The following CLVS1 variants were observed in gnomAD, a reference collection of about 807,000 sequenced individuals.
CLVS1 encodes the protein clavesin-1.
Under a neutral mutation model 33.1 loss-of-function variants are expected in CLVS1, and 10 were observed. The observed-to-expected ratio is 0.30, with a 90% CI of 0.19 to 0.51. CLVS1 has a LOEUF of 0.51. Among genes scored for constraint, CLVS1 ranks in the 20% least tolerant of loss-of-function variants. The pLI is 0.97. For missense variants in CLVS1, 343 were observed against 433.4 expected, an observed-to-expected ratio of 0.79 and a Z score of 1.85; for synonymous variants, 163 against 166.1, an observed-to-expected ratio of 0.98 and a Z score of 0.14.
At chr8:61,043,728 G>A in the CLVS1 span, among the ~76,000 whole-genome samples, 1 of 152,152 alleles carries the variant, frequency 6.6e-6, no homozygotes, top group African/African-American at 2.4e-5. Flanking sequence ...GATTGACTGG[G>A]CATTCTGCAG....
At chr8:61,096,087 T>G (rs1805346214) in intron 1 of CLVS1, among the ~76,000 whole-genome samples, 1 of 152,208 alleles carries the variant, frequency 6.6e-6, no homozygotes, top group African/African-American at 2.4e-5. Flanking sequence ...CCACTTCCCC[T>G]TTTGTCAGGC....
At chr8:61,016,402 A>G in the CLVS1 span, among the ~76,000 whole-genome samples, 2 of 152,254 alleles carry the variant, frequency 1.3e-5, no homozygotes, top group Non-Finnish European at 2.9e-5. Context: ...TAAGAGGTTT[A>G]TCTTGGGTGG....
intron 3 of CLVS1, among the ~76,000 whole-genome samples, chr8:61,410,608 A>G (rs1815182507): frequency 6.6e-6 from 1 of 151,904 alleles, no homozygotes; most frequent in African/African-American, 2.4e-5. Flanking sequence ...TCTCCACTCC[A>G]TCAGATTGCT....
At position 61,239,412 on chromosome 8, in the gene CLVS1, A is replaced by G. The variant is rs574960553; in HGVS notation, c.-151-60265A>G. On this transcript the variant is annotated intron_variant, in intron 2 of 2. Transcript: ENST00000522621. Reference sequence around the variant, plus strand: ...ATCTGGAGATCAATTATGTTCTAATATAGGTATTTTTTTTAGTCTTTTAAT... The same window carrying G: ...ATCTGGAGATCAATTATGTTCTAATGTAGGTATTTTTTTTAGTCTTTTAAT... 3.7e-4 allele frequency among the ~76,000 whole-genome samples: 56 copies of G among 152,136 alleles called. 1 individual carries two copies. The highest frequency in any genetic ancestry group is 7.1e-4 in the Non-Finnish European group (48 of 68,020).
the CLVS1 span, among the ~76,000 whole-genome samples, chr8:60,997,121 T>G: frequency 6.6e-6 from 1 of 152,320 alleles, no homozygotes; most frequent in East Asian, 1.9e-4. Flanking sequence ...ATTTTTGATT[T>G]TCTTGATGGA....
chr8:61,188,332 A>G (rs1455797120), intron 2 of CLVS1, among the ~76,000 whole-genome samples: 1 of 152,162 alleles, frequency 6.6e-6, no homozygotes, highest in Non-Finnish European at 1.5e-5. Flanking sequence ...AAGGACATTC[A>G]TTCTAGACCA....
At chr8:60,991,009 C>A in the CLVS1 span, among the ~76,000 whole-genome samples, 1 of 152,188 alleles carries the variant, frequency 6.6e-6, no homozygotes, top group African/African-American at 2.4e-5. Context: ...ACGTGCCCAA[C>A]TAATTAACAG....
intron 3 of CLVS1, among the ~76,000 whole-genome samples, chr8:61,380,886 C>G (rs1440658764): frequency 6.6e-6 from 1 of 152,102 alleles, no homozygotes; most frequent in Non-Finnish European, 1.5e-5. Context: ...TCAGCCAACC[C>G]AGATACTTCA....
the CLVS1 span, among the ~76,000 whole-genome samples, chr8:60,985,940 G>A: frequency 6.6e-6 from 1 of 152,110 alleles, no homozygotes; most frequent in Non-Finnish European, 1.5e-5. Context: ...GTATTGAACT[G>A]TCGACACAGG....
At chr8:61,421,684 C>T (rs998306577) in intron 3 of CLVS1, among the ~76,000 whole-genome samples, 3 of 152,218 alleles carry the variant, frequency 2.0e-5, no homozygotes, top group Non-Finnish European at 2.9e-5. Context: ...GTATGTGTTC[C>T]ACTTCCTTAT....
At chr8:61,298,009 A>G (rs1810281068) in intron 1 of CLVS1, among the ~76,000 whole-genome samples, 1 of 152,182 alleles carries the variant, frequency 6.6e-6, no homozygotes, top group African/African-American at 2.4e-5. Flanking sequence ...TTGTTCTAGT[A>G]TCGTTATTAT....
At chr8:61,452,123 A>C (rs1003872173) in intron 3 of CLVS1, among the ~76,000 whole-genome samples, 1 of 152,222 alleles carries the variant, frequency 6.6e-6, no homozygotes, top group Non-Finnish European at 1.5e-5. Flanking sequence ...GTAATTACAG[A>C]GTCTCAGCAC....
intron 5 of CLVS1, among the ~76,000 whole-genome samples, chr8:61,481,828 C>T (rs1818206062): frequency 6.6e-6 from 1 of 152,360 alleles, no homozygotes; most frequent in Admixed American, 6.5e-5. Context: ...ATGTCCCTGT[C>T]TGACAGCTTT....
At chr8:61,474,645 G>A (rs1239343927) in intron 5 of CLVS1, among the ~76,000 whole-genome samples, 1 of 152,186 alleles carries the variant, frequency 6.6e-6, no homozygotes, top group African/African-American at 2.4e-5. Context: ...AAGCAGGTGA[G>A]ATTGGTTAGG....
chr8:61,292,561 G>C, intron 1 of CLVS1: 1 of 325,560 alleles, frequency 3.1e-6, no homozygotes, highest in South Asian at 2.7e-5. Flanking sequence ...CAAGGTTTTT[G>C]TTTGTTTGTT....
At chr8:61,383,449 GAGA>G (rs1813963415) in intron 3 of CLVS1, among the ~76,000 whole-genome samples, 1 of 152,206 alleles carries the variant, frequency 6.6e-6, no homozygotes, top group Non-Finnish European at 1.5e-5. Context: ...CAGATGGAAG[GAGA>G]AGGATATTTG....
chr8:61,431,679 G>A (rs1327262306), intron 3 of CLVS1, among the ~76,000 whole-genome samples: 1 of 151,838 alleles, frequency 6.6e-6, no homozygotes, highest in Non-Finnish European at 1.5e-5. Context: ...CTTCAAACTA[G>A]AGTATAAGCT....
chr8:60,988,745 A>G, the CLVS1 span, among the ~76,000 whole-genome samples: 1 of 152,252 alleles, frequency 6.6e-6, no homozygotes, highest in Non-Finnish European at 1.5e-5. Context: ...TAACACCAAC[A>G]ATACTACTAC....
intron 3 of CLVS1, among the ~76,000 whole-genome samples, chr8:61,381,905 T>A (rs1813895114): frequency 1.3e-5 from 2 of 152,234 alleles, no homozygotes; most frequent in Admixed American, 1.3e-4. Flanking sequence ...AACATATGCA[T>A]GCATGTGCCT....
Sources: gnomAD v4.1 joint callset for allele counts (sites outside exome capture counted in the v4.1 genomes callset) on GRCh38, gnomAD v4.1.1 for gene constraint, MANE v1.5 for transcripts, NCBI Gene and HGNC (gene_info 2026-07-23, HGNC 2026-07-21) for gene names.